Variants in ITFG1 observed in about 807,000 individuals in gnomAD.
ITFG1 encodes the protein T-cell immunomodulatory protein.
A neutral mutation model predicts 81.8 loss-of-function variants in ITFG1; 34 were observed. The observed-to-expected ratio is 0.42, with a 90% CI of 0.32 to 0.55. ITFG1 has a LOEUF of 0.55. Ranked by LOEUF, ITFG1 falls within the 20% of genes least tolerant of loss-of-function variation. The probability of loss-of-function intolerance (pLI) is 0.17; values close to 1 mark genes in which losing one functional copy is unlikely to be tolerated. For missense variants in ITFG1, 672 were observed against 755.4 expected (o/e 0.89, Z 1.29); for synonymous variants, 285 against 270.6 (o/e 1.05, Z -0.52).
chr16:47,322,750 A>G (rs544007674), intron 8 of ITFG1, among the ~76,000 whole-genome samples: 1 of 152,358 alleles, frequency 6.6e-6, no homozygotes, highest in African/African-American at 2.4e-5. Flanking sequence ...TAATTAGCAC[A>G]TGCATTTACT....
intron 10 of ITFG1, among the ~76,000 whole-genome samples, chr16:47,261,632 C>T (rs555485077): frequency 6.6e-5 from 10 of 152,122 alleles, no homozygotes; most frequent in African/African-American, 1.2e-4. Context: ...ATAGATGATA[C>T]GGCCTAAATT....
At position 47,221,161 on chromosome 16, in the gene ITFG1, A is replaced by G. The variant is rs62060609; in HGVS notation, c.1375-2215T>C. ...ATGACCTTTTCGGAAGCTCCCTGAA[A>G]AGCTCTCTTCTCAGGGTTTGTCTTT... is the stretch of plus-strand genomic sequence containing the variant. On this transcript the variant is annotated intron_variant, in intron 13 of 17. Transcript: ENST00000320640. Among the ~76,000 whole-genome samples, 829 of 152,114 alleles carry G rather than the reference A, an allele frequency of 5.4e-3. 6 individuals carry two copies. The highest frequency in any genetic ancestry group is 8.7e-3 in the Admixed American group (133 of 15,282).
At chr16:47,183,152 G>A (rs977193106) in intron 14 of ITFG1, among the ~76,000 whole-genome samples, 2 of 152,328 alleles carry the variant, frequency 1.3e-5, no homozygotes, top group Admixed American at 6.5e-5. Context: ...CTCGCTGATT[G>A]CCAGCACAGC....
At chr16:47,421,085 G>GTTTTCACGGAATATCTC (rs1968940390) in intron 6 of ITFG1, among the ~76,000 whole-genome samples, 2 of 151,788 alleles carry the variant, frequency 1.3e-5, no homozygotes, top group Admixed American at 1.3e-4. Context: ...TTTGGTTTCT[G>GTTTTCACGGAATATCTC]TTTTCACGGA....
intron 10 of ITFG1, among the ~76,000 whole-genome samples, chr16:47,280,751 C>G (rs753787996): frequency 1.1e-4 from 17 of 152,084 alleles, no homozygotes; most frequent in East Asian, 1.9e-4. Flanking sequence ...AGTCTCACCC[C>G]CTAATCGTCC....
At chr16:47,158,075 T>C (rs1421509953) in intron 17 of ITFG1, among the ~76,000 whole-genome samples, 2 of 152,192 alleles carry the variant, frequency 1.3e-5, no homozygotes, top group African/African-American at 4.8e-5. Flanking sequence ...GAATACTTGA[T>C]AGATGAAAAA....
chr16:47,275,323 G>A (rs1363689527), intron 10 of ITFG1, among the ~76,000 whole-genome samples: 4 of 152,004 alleles, frequency 2.6e-5, no homozygotes, highest in African/African-American at 9.7e-5. Context: ...ATTATACAGG[G>A]CACTGTTTGT....
At chr16:47,267,371 C>A (rs1966289020) in intron 10 of ITFG1, among the ~76,000 whole-genome samples, 4 of 152,068 alleles carry the variant, frequency 2.6e-5, no homozygotes, top group East Asian at 1.9e-4. Flanking sequence ...ACATAAGAAT[C>A]CTAAATGTTT....
intron 5 of ITFG1, among the ~76,000 whole-genome samples, chr16:47,447,570 G>A (rs149568035): frequency 8.0e-4 from 121 of 151,684 alleles, no homozygotes; most frequent in Non-Finnish European, 1.5e-3. Context: ...CTCTGCTGTC[G>A]CCCAGGCTGA....
intron 1 of ITFG1, among the ~76,000 whole-genome samples, chr16:47,460,420 C>A (rs1314594489): frequency 6.6e-6 from 1 of 152,176 alleles, no homozygotes; most frequent in Non-Finnish European, 1.5e-5. Context: ...TTTTCATGTT[C>A]ATCAACGGGG....
intron 14 of ITFG1, among the ~76,000 whole-genome samples, chr16:47,163,188 G>A (rs1316979944): frequency 6.6e-6 from 1 of 152,098 alleles, no homozygotes; most frequent in Non-Finnish European, 1.5e-5. Flanking sequence ...ACAGTTAAGT[G>A]GTTTTGAGTA....
intron 8 of ITFG1, among the ~76,000 whole-genome samples, chr16:47,326,717 A>ATGAT (rs1967550685): frequency 6.6e-6 from 1 of 152,220 alleles, no homozygotes; most frequent in Non-Finnish European, 1.5e-5. Flanking sequence ...GTGAACTCCC[A>ATGAT]TTCACAATGG....
intron 8 of ITFG1, among the ~76,000 whole-genome samples, chr16:47,352,476 C>T (rs973191596): frequency 1.3e-5 from 2 of 152,126 alleles, no homozygotes; most frequent in African/African-American, 2.4e-5. Flanking sequence ...CATCACTGGC[C>T]ATCAGAGAAA....
chr16:47,259,787 G>A (rs1187933781), intron 11 of ITFG1, among the ~76,000 whole-genome samples: 1 of 152,088 alleles, frequency 6.6e-6, no homozygotes, highest in Non-Finnish European at 1.5e-5. Flanking sequence ...GAACCTTAAA[G>A]CCTTTCATAA....
chr16:47,182,920 C>T (rs974679737), intron 14 of ITFG1, among the ~76,000 whole-genome samples: 6 of 152,298 alleles, frequency 3.9e-5, no homozygotes, highest in East Asian at 1.9e-4. Context: ...GCACACCGTG[C>T]GCGAGCGGAA....
chr16:47,456,524 C>T (rs1360565451), intron 2 of ITFG1, among the ~76,000 whole-genome samples: 1 of 151,904 alleles, frequency 6.6e-6, no homozygotes, highest in African/African-American at 2.4e-5. Context: ...AACCCTGTCT[C>T]TACTAAAATA....
chr16:47,317,308 C>T (rs1235839013), intron 8 of ITFG1, among the ~76,000 whole-genome samples: 1 of 152,010 alleles, frequency 6.6e-6, no homozygotes, highest in Admixed American at 6.6e-5. Flanking sequence ...TGTTATTGTT[C>T]TTGTCATAAA....
intron 14 of ITFG1, among the ~76,000 whole-genome samples, chr16:47,168,458 C>T (rs1964920188): frequency 6.6e-6 from 1 of 152,000 alleles, no homozygotes; most frequent in African/African-American, 2.4e-5. Context: ...ATTGCAGCCT[C>T]GATCTCCTGG....
rs1969408457 is a variant in ITFG1 at position 47,453,016 on chromosome 16, ACCT to A, written c.428-229_428-227del. Among the ~76,000 whole-genome samples, 3 of 152,154 alleles carry A rather than the reference ACCT, an allele frequency of 2.0e-5. No individual in the cohort carries two copies. In the South Asian group the frequency reaches 6.2e-4, roughly 32 times the overall value. On this transcript the variant is annotated intron_variant, in intron 3 of 17. Coordinates refer to ENST00000320640, the MANE Select transcript of ITFG1 (RefSeq NM_030790.5). The stretch of plus-strand genomic sequence containing the variant: ...TACAGTGAAGACTAGCATTACAATA[ACCT>A]CCTTTTGAGGTATGCATCTAAATAT...
Sources: allele counts gnomAD v4.1 joint callset (sites outside exome capture counted in the v4.1 genomes callset), GRCh38; gene constraint gnomAD v4.1.1; transcripts MANE v1.5; gene names NCBI Gene and HGNC (gene_info 2026-07-23, HGNC 2026-07-21).